The following IL13RA1 variants were observed in gnomAD, a reference collection of about 807,000 sequenced individuals.
IL13RA1 encodes the protein interleukin 13 receptor subunit alpha 1.
In IL13RA1, 14 loss-of-function variants were observed where a neutral mutation model predicts 33.8. The ratio of observed to expected loss-of-function variants is 0.41; its 90% CI spans 0.27 to 0.65. IL13RA1 has a LOEUF of 0.65. Ranked by LOEUF, IL13RA1 falls within the 30% of genes least tolerant of loss-of-function variation. The probability of loss-of-function intolerance (pLI) is 0.28; values close to 1 mark genes in which losing one functional copy is unlikely to be tolerated. For missense variants in IL13RA1, 313 were observed against 327.0 expected (o/e 0.96, Z 0.33); for synonymous variants, 116 against 115.7 (o/e 1.00, Z -0.02).
intron 6 of IL13RA1, among the ~76,000 whole-genome samples, chrX:118,765,871 G>T (rs1315193121): frequency 8.9e-6 from 1 of 112,344 alleles, no homozygotes; most frequent in African/African-American, 3.2e-5. Flanking sequence ...CTCATGACCA[G>T]TGATGTTGAA....
chrX:118,773,469 T>TG (rs748325163), intron 8 of IL13RA1, among the ~76,000 whole-genome samples: 2 of 111,978 alleles, frequency 1.8e-5, no homozygotes, highest in African/African-American at 6.5e-5. Context: ...CCAGCCTGGG[T>TG]GACAGAGTGA....
In IL13RA1 at chrX:118,758,039, T is replaced by G; in HGVS notation, c.489-16T>G. 1 of 1,073,803 alleles carries G rather than the reference T, an allele frequency of 9.3e-7. No homozygotes were observed. Among genetic ancestry groups the G allele is most frequent in the South Asian group, 2.1e-5 (1 of 47,357 alleles). The allele number at this position is 1,073,803 out of a possible 1,213,427, so 88.5% of individuals were successfully genotyped here. On this transcript the variant is annotated splice_polypyrimidine_tract_variant and intron_variant, in intron 4 of 10. Coordinates refer to ENST00000371666, the MANE Select transcript of IL13RA1 (RefSeq NM_001560.3). The stretch of plus-strand genomic sequence containing the variant: ...GTTGAATATAATGCAGAAGATTGTC[T>G]CATTTTATCTTGTAGGCACAGAAGC...
intron 8 of IL13RA1, 118 bp from the exon 9 acceptor site, chrX:118,773,761 T>C (rs1037729076): frequency 2.0e-6 from 1 of 488,348 alleles, no homozygotes; most frequent in African/African-American, 2.5e-5. Flanking sequence ...CTTGGGAAAA[T>C]AGGTTGGGGG....
chrX:118,728,059 G>A (rs1206798443), intron 1 of IL13RA1, among the ~76,000 whole-genome samples: 3 of 112,747 alleles, frequency 2.7e-5, no homozygotes, highest in South Asian at 3.6e-4. Context: ...GGGGGCGGGG[G>A]GCCCGAAACA....
At chrX:118,785,845 C>T (rs1418109263) in intron 10 of IL13RA1, among the ~76,000 whole-genome samples, 3 of 111,829 alleles carry the variant, frequency 2.7e-5, no homozygotes, top group Non-Finnish European at 5.6e-5. Flanking sequence ...GCTGGGATTA[C>T]AAGCATGAGC....
chrX:118,771,661 T>C (rs895029210), intron 8 of IL13RA1, among the ~76,000 whole-genome samples: 1 of 112,141 alleles, frequency 8.9e-6, no homozygotes, highest in Non-Finnish European at 1.9e-5. Context: ...TAATGACTTG[T>C]GGAATGAATT....
intron 10 of IL13RA1, among the ~76,000 whole-genome samples, chrX:118,779,460 TGTA>T (rs1433397843): frequency 8.9e-6 from 1 of 112,093 alleles, no homozygotes; most frequent in East Asian, 2.8e-4. Flanking sequence ...ACCATAAACA[TGTA>T]GTATATTACA....
At chrX:118,796,008 A>G (rs779572026), downstream of IL13RA1, among the ~76,000 whole-genome samples, 4 of 112,322 alleles carry the variant, frequency 3.6e-5, no homozygotes, top group African/African-American at 1.3e-4. Flanking sequence ...GATGTGCTAG[A>G]TATTTTTGAC....
At chrX:118,787,387 G>A (rs973717042) in intron 10 of IL13RA1, among the ~76,000 whole-genome samples, 1 of 111,015 alleles carries the variant, frequency 9.0e-6, no homozygotes, top group Non-Finnish European at 1.9e-5. Context: ...CATGCTTCAA[G>A]GGCAACAAAA....
At chrX:118,728,270 A>G (rs1404363302) in intron 1 of IL13RA1, among the ~76,000 whole-genome samples, 1 of 112,401 alleles carries the variant, frequency 8.9e-6, no homozygotes, top group East Asian at 2.8e-4. Context: ...GGGAACCTCT[A>G]AACATCTCAG....
rs746179884 is a variant in IL13RA1, at chrX:118,754,438, C to T, written c.489-3617C>T. ...GGATCATGAGGTCAGGAGATCCAGA[C>T]CATCCTGGCTAACACAGTGAAACCC... On this transcript the variant is annotated intron_variant, in intron 4 of 10. Coordinates refer to ENST00000371666, the MANE Select transcript of IL13RA1 (RefSeq NM_001560.3). Among the ~76,000 whole-genome samples, 79 of 109,519 alleles carry T rather than the reference C, an allele frequency of 7.2e-4. 1 individual carries two copies. The highest frequency in any genetic ancestry group is 6.5e-3 in the Admixed American group (67 of 10,230).
chrX:118,737,250 T>C (rs1338185037), intron 1 of IL13RA1, among the ~76,000 whole-genome samples: 2 of 111,978 alleles, frequency 1.8e-5, no homozygotes. Context: ...TGCCATGGGG[T>C]TGGGGATGAA....
intron 1 of IL13RA1, among the ~76,000 whole-genome samples, chrX:118,730,894 C>G (rs758145495): frequency 8.9e-6 from 1 of 112,159 alleles, no homozygotes; most frequent in East Asian, 2.8e-4. Flanking sequence ...GGAGTTGATG[C>G]CTGAGTGGAT....
At chrX:118,743,105 G>A (rs189936683) in intron 2 of IL13RA1, among the ~76,000 whole-genome samples, 17 of 111,679 alleles carry the variant, frequency 1.5e-4, no homozygotes, top group Middle Eastern at 4.6e-3. Flanking sequence ...TGATGAACAC[G>A]GATTATTCCT....
At chrX:118,752,028 G>C (rs2017475859) in intron 4 of IL13RA1, among the ~76,000 whole-genome samples, 1 of 110,391 alleles carries the variant, frequency 9.1e-6, no homozygotes, top group Non-Finnish European at 1.9e-5. Flanking sequence ...CCTGCAGGTG[G>C]AGCCAGAAGT....
rs1173356332 is a variant in IL13RA1 at position 118,791,978 on chromosome X, A to G, written c.*124A>G. On this transcript the variant is annotated 3_prime_UTR_variant, in exon 11 of 11. Transcript: ENST00000371666. ...TGCACCATTTAAAAACAGGCAGCTC[A>G]TAAGAGCCACAGGTCTTTATGTTGA... The G allele has an allele frequency of 1.6e-5, 6 of 381,805 alleles. No homozygotes were observed. The highest frequency in any genetic ancestry group is 2.7e-5 in the Non-Finnish European group (6 of 222,814). 31.5% of individuals were successfully genotyped at this position (381,805 alleles called of 1,213,427 possible). A position where few individuals can be genotyped will look rare whatever the true frequency, so the allele number is the denominator to read the frequency against.
intron 2 of IL13RA1, among the ~76,000 whole-genome samples, chrX:118,745,172 G>C (rs936733215): frequency 1.8e-5 from 2 of 111,908 alleles, no homozygotes; most frequent in Admixed American, 1.9e-4. Flanking sequence ...AAGCATTCTA[G>C]GAAGATTTCT....
At chrX:118,773,617 TGTTTG>T (rs1224979826) in intron 8 of IL13RA1, among the ~76,000 whole-genome samples, 1 of 112,180 alleles carries the variant, frequency 8.9e-6, no homozygotes, top group Non-Finnish European at 1.9e-5. Context: ...ATAAAGCTTA[TGTTTG>T]TCTTTTAAAA....
chrX:118,740,908 G>A (rs1009277983), intron 1 of IL13RA1, 109 bp from the exon 2 acceptor site: 1 of 584,067 alleles, frequency 1.7e-6, no homozygotes, highest in Non-Finnish European at 2.9e-6. Flanking sequence ...AATGTTAGAT[G>A]TTGTTAACTC....
Sources: gnomAD v4.1 joint callset for allele counts (sites outside exome capture counted in the v4.1 genomes callset) on GRCh38, gnomAD v4.1.1 for gene constraint, MANE v1.5 for transcripts, NCBI Gene and HGNC (gene_info 2026-07-23, HGNC 2026-07-21) for gene names.